The following UBE3D variants were observed in gnomAD, a reference collection of about 807,000 sequenced individuals.
UBE3D encodes E3 ubiquitin-protein ligase E3D.
UBE3D carries 48 observed loss-of-function variants against 49.6 expected under a neutral mutation model. The observed-to-expected ratio is 0.97, with a 90% confidence interval of 0.77 to 1.23. The LOEUF is 1.23. UBE3D is among the 50% of genes most tolerant of loss of function. UBE3D has a pLI of 0.00. For missense variants in UBE3D, 452 were observed against 468.4 expected (o/e 0.96, Z 0.32); for synonymous variants, 189 against 174.2 (o/e 1.08, Z -0.67).
At chr6:82,935,604 C>A (rs992653862) in intron 9 of UBE3D, among the ~76,000 whole-genome samples, 2 of 152,132 alleles carry the variant, frequency 1.3e-5, no homozygotes, top group Non-Finnish European at 2.9e-5. Flanking sequence ...AAACTCCACA[C>A]TGAAGACATC....
intron 7 of UBE3D, among the ~76,000 whole-genome samples, chr6:83,021,925 C>T (rs781110045): frequency 4.6e-5 from 7 of 151,930 alleles, no homozygotes; most frequent in Non-Finnish European, 1.0e-4. Context: ...TTCTAAATAG[C>T]AGGAATCAGG....
intron 8 of UBE3D, among the ~76,000 whole-genome samples, chr6:82,970,580 C>T (rs1014755729): frequency 3.3e-5 from 5 of 152,120 alleles, no homozygotes; most frequent in African/African-American, 1.2e-4. Flanking sequence ...TGGCTCACGC[C>T]TGTAATCCCA....
At chr6:82,994,098 C>A (rs955708475) in intron 8 of UBE3D, among the ~76,000 whole-genome samples, 1 of 152,162 alleles carries the variant, frequency 6.6e-6, no homozygotes, top group Non-Finnish European at 1.5e-5. Flanking sequence ...AAATAAACTT[C>A]TATGTATGCA....
At chr6:82,937,072 C>T (rs1375286618) in intron 9 of UBE3D, among the ~76,000 whole-genome samples, 1 of 152,134 alleles carries the variant, frequency 6.6e-6, no homozygotes. Flanking sequence ...AGAGCAAGGA[C>T]CAAAGGGACA....
At chr6:82,971,908 C>T (rs1173953580) in intron 8 of UBE3D, among the ~76,000 whole-genome samples, 1 of 152,120 alleles carries the variant, frequency 6.6e-6, no homozygotes, top group East Asian at 1.9e-4. Context: ...ATGTTTGACG[C>T]TTTCTTCTTT....
At chr6:82,958,767 A>T (rs1023655446) in intron 8 of UBE3D, among the ~76,000 whole-genome samples, 2 of 152,248 alleles carry the variant, frequency 1.3e-5, no homozygotes, top group African/African-American at 2.4e-5. Flanking sequence ...CACCAGGCAG[A>T]TTAACAAGAG....
chr6:83,052,489 G>A (rs1783533764), intron 3 of UBE3D, among the ~76,000 whole-genome samples: 1 of 152,186 alleles, frequency 6.6e-6, no homozygotes. Context: ...TGAAGTTCAG[G>A]TAGGAGCCAA....
intron 8 of UBE3D, among the ~76,000 whole-genome samples, chr6:82,988,987 C>T (rs7757253): frequency 6.6e-6 from 1 of 152,012 alleles, no homozygotes; most frequent in East Asian, 1.9e-4. Flanking sequence ...CAACACTACA[C>T]AAAAATAGAA....
At chr6:82,906,138 T>C (rs1307961187) in intron 9 of UBE3D, among the ~76,000 whole-genome samples, 3 of 149,996 alleles carry the variant, frequency 2.0e-5, no homozygotes, top group South Asian at 2.1e-4. Context: ...AGCTCATACA[T>C]TTTTTTTTTA....
chr6:82,949,748 G>T (rs185519428), intron 9 of UBE3D, among the ~76,000 whole-genome samples: 25 of 152,176 alleles, frequency 1.6e-4, no homozygotes, highest in African/African-American at 6.0e-4. Context: ...AAAGTGCCAA[G>T]AACATATAGT....
At chr6:82,905,829 A>G (rs1015771143) in intron 9 of UBE3D, among the ~76,000 whole-genome samples, 3 of 152,194 alleles carry the variant, frequency 2.0e-5, no homozygotes, top group East Asian at 1.9e-4. Flanking sequence ...GGTTTTTTTT[A>G]GCTTATAAAA....
chr6:82,977,487 C>G lies in UBE3D; in HGVS notation c.1011-20037G>C, dbSNP rs9449567. Among the ~76,000 whole-genome samples, 548 of 152,246 alleles carry G rather than the reference C, an allele frequency of 3.6e-3. 5 individuals carry two copies. The highest frequency in any genetic ancestry group is 0.013 in the African/African-American group (530 of 41,544). On this transcript the variant is annotated intron_variant, in intron 8 of 9. Transcript: ENST00000369747. Reference sequence around the variant, plus strand: ...AAAACTAAATTGACCCTGATAAGCTCTTAATGAGTACAAAAGATCTTGATC... The same window carrying G: ...AAAACTAAATTGACCCTGATAAGCTGTTAATGAGTACAAAAGATCTTGATC...
At chr6:83,047,109 C>T (rs762295680) in intron 3 of UBE3D, among the ~76,000 whole-genome samples, 1 of 152,104 alleles carries the variant, frequency 6.6e-6, no homozygotes, top group Non-Finnish European at 1.5e-5. Context: ...ATGTGTGAAG[C>T]CCCTGGTTGC....
intron 4 of UBE3D, among the ~76,000 whole-genome samples, chr6:83,043,905 G>A (rs976488688): frequency 6.6e-6 from 1 of 152,150 alleles, no homozygotes; most frequent in Non-Finnish European, 1.5e-5. Flanking sequence ...ACCTCACACT[G>A]TCAAGCACCA....
intron 9 of UBE3D, among the ~76,000 whole-genome samples, chr6:82,944,583 G>A (rs1221794807): frequency 6.6e-6 from 1 of 152,206 alleles, no homozygotes; most frequent in Non-Finnish European, 1.5e-5. Context: ...GGAAAGCAAA[G>A]GGAAAAGTAA....
chr6:82,962,863 A>T (rs1465506474), intron 8 of UBE3D, among the ~76,000 whole-genome samples: 10 of 152,222 alleles, frequency 6.6e-5, no homozygotes, highest in Non-Finnish European at 1.2e-4. Flanking sequence ...AATTCTAGAT[A>T]TCTCAAAACC....
intron 7 of UBE3D, among the ~76,000 whole-genome samples, chr6:83,020,368 C>G: frequency 7.2e-6 from 1 of 139,174 alleles, no homozygotes; most frequent in Non-Finnish European, 1.5e-5. Context: ...TACAAATAGA[C>G]AAACACCTGT....
chr6:82,893,305 A>G (rs1771072086), intron 9 of UBE3D, among the ~76,000 whole-genome samples: 1 of 152,168 alleles, frequency 6.6e-6, no homozygotes, highest in South Asian at 2.1e-4. Context: ...CTAAAGTTAT[A>G]TTGCTACGAA....
In UBE3D at chr6:83,024,053, G is replaced by T. The variant is rs745679541; in HGVS notation, c.668-15C>A. 1.1e-5 allele frequency: 16 copies of T among 1,457,202 alleles called. No homozygotes were observed. Among genetic ancestry groups the T allele is most frequent in the Admixed American group, 2.4e-5 (1 of 41,108 alleles). 90.3% of individuals were successfully genotyped at this position (1,457,202 alleles called of 1,614,324 possible). On this transcript the variant is annotated splice_polypyrimidine_tract_variant and intron_variant, in intron 5 of 9. Coordinates refer to ENST00000369747, the MANE Select transcript of UBE3D (RefSeq NM_198920.3). ...CTTGGTGGTTTCTAGAAACAAAAAAGAAAATTAAGACTCTCCCCAATACAC... is the reference window on the plus strand; with the variant it reads ...CTTGGTGGTTTCTAGAAACAAAAAATAAAATTAAGACTCTCCCCAATACAC...
Sources: gnomAD v4.1 joint callset for allele counts (sites outside exome capture counted in the v4.1 genomes callset) on GRCh38, gnomAD v4.1.1 for gene constraint, MANE v1.5 for transcripts, NCBI Gene and HGNC (gene_info 2026-07-23, HGNC 2026-07-21) for gene names.